The following APBA1 variants were observed in gnomAD, a reference collection of about 807,000 sequenced individuals.
APBA1 encodes the protein amyloid beta precursor protein binding family A member 1.
APBA1 carries 55 observed loss-of-function variants against 86.6 expected under a neutral mutation model. The observed-to-expected ratio is 0.64, with a 90% CI of 0.51 to 0.80. The LOEUF (loss-of-function observed/expected upper bound fraction) is 0.80. Among genes scored for constraint, APBA1 ranks in the 30% least tolerant of loss-of-function variants. The probability of loss-of-function intolerance (pLI) is 0.00; values close to 1 mark genes in which losing one functional copy is unlikely to be tolerated. For synonymous variants in APBA1, 511 were observed against 493.9 expected (o/e 1.03, Z -0.46); for missense variants, 1,090 against 1,183.0 (o/e 0.92, Z 1.15).
chr9:69,514,068 AT>A (rs1462581738), intron 2 of APBA1, among the ~76,000 whole-genome samples: 2 of 152,246 alleles, frequency 1.3e-5, no homozygotes, highest in African/African-American at 4.8e-5. Context: ...TTCCTGATAT[AT>A]TCTGAACAGA....
chr9:69,650,065 A>G (rs981744249), intron 1 of APBA1, among the ~76,000 whole-genome samples: 1 of 152,230 alleles, frequency 6.6e-6, no homozygotes, highest in African/African-American at 2.4e-5. Flanking sequence ...CAGGAAGATG[A>G]GAGACAGAGT....
intron 1 of APBA1, among the ~76,000 whole-genome samples, chr9:69,669,695 A>C (rs1442960979): frequency 6.6e-6 from 1 of 152,214 alleles, no homozygotes; most frequent in African/African-American, 2.4e-5. Flanking sequence ...GGATTGCTTG[A>C]GCTAGGAGTT....
At chr9:69,550,450 C>A (rs1473488958) in intron 1 of APBA1, among the ~76,000 whole-genome samples, 1 of 152,114 alleles carries the variant, frequency 6.6e-6, no homozygotes, top group African/African-American at 2.4e-5. Flanking sequence ...AAGTGCCCTT[C>A]AATTAATTCA....
chr9:69,488,516 C>T (rs1381399169), intron 2 of APBA1, among the ~76,000 whole-genome samples: 1 of 152,130 alleles, frequency 6.6e-6, no homozygotes, highest in Non-Finnish European at 1.5e-5. Context: ...CTTACCCATA[C>T]TTTGAGAATG....
intron 1 of APBA1, among the ~76,000 whole-genome samples, chr9:69,659,096 G>A (rs1436790350): frequency 6.6e-6 from 1 of 152,118 alleles, no homozygotes; most frequent in Non-Finnish European, 1.5e-5. Context: ...CCCTCTTCTT[G>A]GTGTCTGCTT....
intron 7 of APBA1, 93 bp downstream of exon 7, chr9:69,456,960 T>C: frequency 1.9e-6 from 2 of 1,073,550 alleles, no homozygotes. Flanking sequence ...GGACAGCTGC[T>C]CTACAGACAC....
chr9:69,502,545 T>C (rs1272611083), intron 2 of APBA1, among the ~76,000 whole-genome samples: 1 of 152,056 alleles, frequency 6.6e-6, no homozygotes, highest in East Asian at 1.9e-4. Flanking sequence ...TGCATTAGGT[T>C]CTCACAGTTC....
chr9:69,673,012 A>C (rs1204570987), upstream of APBA1: 2 of 152,260 alleles, frequency 1.3e-5, no homozygotes, highest in East Asian at 1.9e-4. Context: ...GCGTCTCCGG[A>C]ATGCGTCGCA....
intron 11 of APBA1, among the ~76,000 whole-genome samples, chr9:69,440,732 G>A (rs903637141): frequency 4.1e-4 from 62 of 152,094 alleles, no homozygotes; most frequent in African/African-American, 1.2e-3. Flanking sequence ...TGCGCTTCCC[G>A]GGTGAGGCGA....
intron 1 of APBA1, among the ~76,000 whole-genome samples, chr9:69,662,324 A>G (rs1031057360): frequency 6.6e-6 from 1 of 152,178 alleles, no homozygotes; most frequent in African/African-American, 2.4e-5. Flanking sequence ...ATGAGAAGTA[A>G]ATGAGTTAGC....
chr9:69,501,535 C>T (rs1442369291), intron 2 of APBA1, among the ~76,000 whole-genome samples: 1 of 151,718 alleles, frequency 6.6e-6, no homozygotes, highest in Non-Finnish European at 1.5e-5. Context: ...GGCATGGTGG[C>T]TCATGCCTGT....
chr9:69,563,707 A>G (rs1421357674), intron 1 of APBA1, among the ~76,000 whole-genome samples: 1 of 152,100 alleles, frequency 6.6e-6, no homozygotes, highest in Admixed American at 6.5e-5. Context: ...AATCACTCTA[A>G]AGAAACCAAC....
chr9:69,537,631 C>G (rs1256363044), intron 1 of APBA1, among the ~76,000 whole-genome samples: 1 of 152,078 alleles, frequency 6.6e-6, no homozygotes, highest in Non-Finnish European at 1.5e-5. Context: ...TGGGGCTTCC[C>G]TAACAGATGT....
Position 69,471,702 on chromosome 9 carries a change from TA to T in APBA1, c.1297-8del. On this transcript the variant is annotated splice_region_variant and splice_polypyrimidine_tract_variant and intron_variant, in intron 3 of 12. Coordinates refer to ENST00000265381, the MANE Select transcript of APBA1 (RefSeq NM_001163.4). The stretch of plus-strand genomic sequence containing the variant: ...AAGCCAAGCTTTTTCTTGACTGTAA[TA>T]AAGACAAAGAGGTTTCAAAAAGAGC... The T allele has an allele frequency of 1.2e-6, 2 of 1,612,468 alleles. No individual in the cohort carries two copies.
rs143754429 is a variant in APBA1 at position 69,519,032 on chromosome 9, A to G, written c.-69-1753T>C. 1.5e-4 allele frequency among the ~76,000 whole-genome samples: 23 copies of G among 152,360 alleles called. No homozygotes were observed. In the East Asian group the frequency reaches 4.0e-3, roughly 27 times the overall value. ...AATCTTTATTGCTTCGCTACTTGACATAAGTCCCACTTGATACAAATTAGA... is the reference window on the plus strand; with the variant it reads ...AATCTTTATTGCTTCGCTACTTGACGTAAGTCCCACTTGATACAAATTAGA... On this transcript the variant is annotated intron_variant, in intron 1 of 12. Coordinates refer to ENST00000265381, the MANE Select transcript of APBA1 (RefSeq NM_001163.4).
At chr9:69,453,497 G>T (rs1266853043) in intron 8 of APBA1, among the ~76,000 whole-genome samples, 1 of 152,196 alleles carries the variant, frequency 6.6e-6, no homozygotes, top group African/African-American at 2.4e-5. Context: ...CACTTCTCAT[G>T]TGGCTATGCT....
intron 1 of APBA1, among the ~76,000 whole-genome samples, chr9:69,560,101 A>G (rs1376725694): frequency 1.3e-5 from 2 of 152,176 alleles, no homozygotes; most frequent in Non-Finnish European, 2.9e-5. Flanking sequence ...AGTCACATCA[A>G]CTGCCCCTGC....
At chr9:69,588,811 C>T (rs1822072712) in intron 1 of APBA1, among the ~76,000 whole-genome samples, 1 of 152,288 alleles carries the variant, frequency 6.6e-6, no homozygotes, top group Non-Finnish European at 1.5e-5. Context: ...CTAGTGCCTC[C>T]AATTTACAGA....
rs931787554 is a variant in APBA1 at position 69,515,707 on chromosome 9, G to T, written c.1200+304C>A. On this transcript the variant is annotated intron_variant, in intron 2 of 12. Coordinates refer to ENST00000265381, the MANE Select transcript of APBA1 (RefSeq NM_001163.4). Reference sequence around the variant, plus strand: ...TCAGAAACTGGGGGGGGGGGGGGCGGGGGGTGGAGGGCGATGTACCCAATA... The same window carrying T: ...TCAGAAACTGGGGGGGGGGGGGGCGTGGGGTGGAGGGCGATGTACCCAATA... Among the ~76,000 whole-genome samples, 4 of 130,880 alleles carry T rather than the reference G, an allele frequency of 3.1e-5. No homozygotes were observed. The South Asian group carries it at 7.9e-4, about 26-fold the overall frequency. 85.9% of individuals were successfully genotyped at this position (130,880 alleles called of 152,430 possible). A position where few individuals can be genotyped will look rare whatever the true frequency, so the allele number is the denominator to read the frequency against.
Sources: gnomAD v4.1 joint callset for allele counts (sites outside exome capture counted in the v4.1 genomes callset) on GRCh38, gnomAD v4.1.1 for gene constraint, MANE v1.5 for transcripts, NCBI Gene and HGNC (gene_info 2026-07-23, HGNC 2026-07-21) for gene names.